IL1RAPL1: variants seen among roughly 807,000 people sequenced by gnomAD.
The protein encoded by IL1RAPL1 is interleukin-1 receptor accessory protein-like 1.
In IL1RAPL1, 3 loss-of-function variants were observed where a neutral mutation model predicts 48.4. The ratio of observed to expected loss-of-function variants is 0.06; its 90% CI spans 0.03 to 0.16. The LOEUF (loss-of-function observed/expected upper bound fraction) is 0.16. Ranked by LOEUF, IL1RAPL1 falls within the 10% of genes least tolerant of loss-of-function variation. IL1RAPL1 has a pLI of 1.00. For missense variants in IL1RAPL1, 349 were observed against 530.6 expected (o/e 0.66, Z 3.36); for synonymous variants, 185 against 187.7 (o/e 0.99, Z 0.12).
intron 1 of IL1RAPL1, among the ~76,000 whole-genome samples, chrX:28,642,402 A>G (rs1375116890): frequency 2.7e-5 from 3 of 111,984 alleles, no homozygotes; most frequent in Non-Finnish European, 5.6e-5. Flanking sequence ...AATTTACCAC[A>G]TAATTGGAAG....
chrX:29,622,759 A>G (rs1301312148), intron 5 of IL1RAPL1, among the ~76,000 whole-genome samples: 5 of 111,398 alleles, frequency 4.5e-5, no homozygotes, highest in Non-Finnish European at 7.5e-5. Flanking sequence ...TAATTTACTA[A>G]CTCATTTACC....
chrX:29,736,304 G>T (rs573215661), intron 6 of IL1RAPL1, among the ~76,000 whole-genome samples: 23 of 112,234 alleles, frequency 2.0e-4, no homozygotes, highest in African/African-American at 7.1e-4. Flanking sequence ...GCAGGAGGAT[G>T]TCTTGAGCCC....
intron 2 of IL1RAPL1, among the ~76,000 whole-genome samples, chrX:28,933,872 T>C (rs1434031822): frequency 8.9e-6 from 1 of 111,769 alleles, no homozygotes; most frequent in Admixed American, 9.5e-5. Flanking sequence ...AGGGTAACTT[T>C]TGGATGTTGC....
chrX:29,758,782 A>G (rs193007024), intron 6 of IL1RAPL1, among the ~76,000 whole-genome samples: 2 of 111,382 alleles, frequency 1.8e-5, no homozygotes, highest in Non-Finnish European at 1.9e-5. Context: ...CTAATGTAAA[A>G]AACAAAACAA....
chrX:28,892,737 A>G (rs141697659), intron 2 of IL1RAPL1, among the ~76,000 whole-genome samples: 1,196 of 110,735 alleles, frequency 0.011, 42 homozygotes, highest in East Asian at 0.091. Flanking sequence ...GGGAGGGATT[A>G]AGCTGAAGGA....
At chrX:28,883,743 T>A (rs1366046427) in intron 2 of IL1RAPL1, among the ~76,000 whole-genome samples, 1 of 112,464 alleles carries the variant, frequency 8.9e-6, no homozygotes, top group East Asian at 2.8e-4. Flanking sequence ...TAAAATCTTA[T>A]ACCAACACTT....
In IL1RAPL1 at chrX:29,803,209, GTA is replaced by G. The variant is rs775615694; in HGVS notation, c.779-114249_779-114248del. On this transcript the variant is annotated intron_variant, in intron 6 of 10. Transcript: ENST00000378993. ...TATATATGTATACATATACACACAT[GTA>G]TATATGTATACATATACACACATGT... Among the ~76,000 whole-genome samples the G allele has an allele frequency of 9.0e-4, 31 of 34,294 alleles. 1 individual carries two copies. The highest frequency in any genetic ancestry group is 4.0e-3 in the African/African-American group (30 of 7,510). 29.8% of individuals were successfully genotyped at this position (34,294 alleles called of 115,157 possible).
chrX:28,968,491 C>T (rs908878458), intron 2 of IL1RAPL1, among the ~76,000 whole-genome samples: 3 of 111,348 alleles, frequency 2.7e-5, no homozygotes, highest in African/African-American at 9.8e-5. Context: ...TTAACCCAAG[C>T]GCAAAGTGGA....
At chrX:29,727,846 A>G (rs2147128899) in intron 6 of IL1RAPL1, among the ~76,000 whole-genome samples, 1 of 111,417 alleles carries the variant, frequency 9.0e-6, no homozygotes, top group East Asian at 2.8e-4. Context: ...CTATTATGCC[A>G]TGGGAATATA....
At chrX:28,646,431 T>G (rs907625942) in intron 1 of IL1RAPL1, among the ~76,000 whole-genome samples, 27 of 112,333 alleles carry the variant, frequency 2.4e-4, no homozygotes, top group African/African-American at 8.4e-4. Context: ...CTTGTATCAT[T>G]TTACTGCTAA....
chrX:29,373,451 A>G (rs769928717), intron 3 of IL1RAPL1, among the ~76,000 whole-genome samples: 51 of 111,663 alleles, frequency 4.6e-4, no homozygotes, highest in Non-Finnish European at 8.8e-4. Flanking sequence ...TTCTAGTACT[A>G]CATTGAATAG....
Position 28,646,129 on chromosome X carries a change from C to T in IL1RAPL1, c.-25+58082C>T, listed in dbSNP as rs931879083. ...TCGTGGAAGACAATTTTTCCATGGA[C>T]GGGGTCTGGGGGGTGATTTAAGGAT... is the stretch of plus-strand genomic sequence containing the variant. On this transcript the variant is annotated intron_variant, in intron 1 of 10. Coordinates refer to ENST00000378993, the MANE Select transcript of IL1RAPL1 (RefSeq NM_014271.4). Among the ~76,000 whole-genome samples, 9 of 112,029 alleles carry T rather than the reference C, an allele frequency of 8.0e-5. No individual in the cohort carries two copies. The East Asian group carries it at 2.0e-3, about 25-fold the overall frequency.
Position 29,845,698 on chromosome X carries a change from A to G in IL1RAPL1, c.779-71766A>G, listed in dbSNP as rs1046251570. ...AACTACTGTATTAGGCCATTATCAC[A>G]TTGCTATAAAGAAATACCTGAGAGT... is the stretch of plus-strand genomic sequence containing the variant. On this transcript the variant is annotated intron_variant, in intron 6 of 10. Coordinates refer to ENST00000378993, the MANE Select transcript of IL1RAPL1 (RefSeq NM_014271.4). Among the ~76,000 whole-genome samples the G allele has an allele frequency of 7.2e-5, 8 of 111,076 alleles. No individual in the cohort carries two copies. The East Asian group carries it at 2.0e-3, about 27-fold the overall frequency.
chrX:29,904,862 A>T (rs1402140772), intron 6 of IL1RAPL1, among the ~76,000 whole-genome samples: 1 of 112,047 alleles, frequency 8.9e-6, no homozygotes, highest in African/African-American at 3.2e-5. Context: ...TAGTAGAATG[A>T]TTTATAATCC....
chrX:28,659,850 A>G (rs1022548855), intron 1 of IL1RAPL1, among the ~76,000 whole-genome samples: 3 of 110,305 alleles, frequency 2.7e-5, no homozygotes, highest in Non-Finnish European at 5.7e-5. Flanking sequence ...CTAATCCTGG[A>G]TCTAATGAAC....
intron 2 of IL1RAPL1, among the ~76,000 whole-genome samples, chrX:28,861,082 A>G (rs1921932065): frequency 9.0e-6 from 1 of 111,568 alleles, no homozygotes; most frequent in African/African-American, 3.3e-5. Context: ...TCATCCAAGC[A>G]CAGTGTTAAC....
intron 6 of IL1RAPL1, among the ~76,000 whole-genome samples, chrX:29,761,347 A>G (rs914991088): frequency 9.0e-6 from 1 of 110,904 alleles, no homozygotes; most frequent in African/African-American, 3.3e-5. Context: ...ACACCCCCCC[A>G]CCAAAGAAAC....
At chrX:28,753,067 C>T (rs1388891180) in intron 1 of IL1RAPL1, among the ~76,000 whole-genome samples, 1 of 111,814 alleles carries the variant, frequency 8.9e-6, no homozygotes, top group Non-Finnish European at 1.9e-5. Context: ...CCCGAGGCTG[C>T]CTATTTGTGC....
chrX:29,921,259 C>T (rs1028595637), intron 8 of IL1RAPL1, among the ~76,000 whole-genome samples: 10 of 112,388 alleles, frequency 8.9e-5, no homozygotes, highest in Non-Finnish European at 1.7e-4. Context: ...TTGGAACAAG[C>T]ACACTTGATG....
Sources: allele counts gnomAD v4.1 joint callset (sites outside exome capture counted in the v4.1 genomes callset), GRCh38; gene constraint gnomAD v4.1.1; transcripts MANE v1.5; gene names NCBI Gene and HGNC (gene_info 2026-07-23, HGNC 2026-07-21).